QTMAN: variants seen among roughly 807,000 people sequenced by gnomAD.
The protein encoded by QTMAN is queuosine-tRNA mannosyltransferase.
At chr2:144,123,248 C>T in the QTMAN span, among the ~76,000 whole-genome samples, 30 of 152,212 alleles carry the variant, frequency 2.0e-4, no homozygotes, top group African/African-American at 7.0e-4. Context: ...CATATTATCA[C>T]ATATTGTTCT....
the QTMAN span, among the ~76,000 whole-genome samples, chr2:144,323,852 T>G: frequency 6.6e-6 from 1 of 152,228 alleles, no homozygotes; most frequent in East Asian, 1.9e-4. Context: ...ATTAGTTAGC[T>G]GTATACTTAT....
At chr2:144,017,722 C>T in the QTMAN span, among the ~76,000 whole-genome samples, 2 of 152,094 alleles carry the variant, frequency 1.3e-5, no homozygotes, top group Non-Finnish European at 1.5e-5. Flanking sequence ...TTATTACTGG[C>T]CATTATTTTT....
At chr2:144,088,964 GACTT>G in the QTMAN span, among the ~76,000 whole-genome samples, 2 of 151,560 alleles carry the variant, frequency 1.3e-5, no homozygotes, top group African/African-American at 4.8e-5. Context: ...ACAAAAATAG[GACTT>G]ACTTAAACTA....
At chr2:144,071,054 G>A in the QTMAN span, among the ~76,000 whole-genome samples, 7 of 152,156 alleles carry the variant, frequency 4.6e-5, no homozygotes, top group Non-Finnish European at 1.0e-4. Context: ...TTGTGAAAGT[G>A]CTTAGCTTAA....
At chr2:144,163,125 C>A in the QTMAN span, among the ~76,000 whole-genome samples, 1 of 151,738 alleles carries the variant, frequency 6.6e-6, no homozygotes, top group East Asian at 1.9e-4. Flanking sequence ...TTTAAAACTT[C>A]CTAAAGTACA....
At chr2:144,192,463 G>A in the QTMAN span, among the ~76,000 whole-genome samples, 2 of 152,048 alleles carry the variant, frequency 1.3e-5, no homozygotes, top group Admixed American at 6.6e-5. Context: ...CAAAAAAGTA[G>A]GGAGGTCCAA....
At chr2:144,075,951 T>C in the QTMAN span, among the ~76,000 whole-genome samples, 28 of 152,350 alleles carry the variant, frequency 1.8e-4, no homozygotes, top group South Asian at 1.2e-3. Context: ...CACTGTTCAA[T>C]TGAATGTCTT....
chr2:144,097,702 C>T, the QTMAN span, among the ~76,000 whole-genome samples: 1 of 152,258 alleles, frequency 6.6e-6, no homozygotes, highest in South Asian at 2.1e-4. Context: ...CCCCACTGCC[C>T]CCAGCTTTAA....
the QTMAN span, among the ~76,000 whole-genome samples, chr2:144,156,700 A>G: frequency 4.0e-3 from 611 of 152,246 alleles, 5 homozygotes; most frequent in African/African-American, 0.014. Flanking sequence ...TCAAAAAACA[A>G]ACAAAAAAAA....
At chr2:144,142,306 G>A in the QTMAN span, among the ~76,000 whole-genome samples, 12 of 151,834 alleles carry the variant, frequency 7.9e-5, no homozygotes, top group African/African-American at 2.9e-4. Flanking sequence ...GATTTAATGG[G>A]ATCGCATGAG....
chr2:144,036,549 C>G, the QTMAN span, among the ~76,000 whole-genome samples: 1 of 152,014 alleles, frequency 6.6e-6, no homozygotes, highest in Non-Finnish European at 1.5e-5. Context: ...TCCTTACTAT[C>G]TGTGTGTCTG....
the QTMAN span, among the ~76,000 whole-genome samples, chr2:144,275,228 C>CA: frequency 6.6e-6 from 1 of 151,630 alleles, no homozygotes; most frequent in Non-Finnish European, 1.5e-5. Context: ...ACTAAAAATA[C>CA]AAAAAATTAG....
At chr2:144,222,279 T>G in the QTMAN span, among the ~76,000 whole-genome samples, 1 of 151,534 alleles carries the variant, frequency 6.6e-6, no homozygotes. Context: ...CAGGATGGTC[T>G]CGATCTCCTG....
chr2:144,315,762 A>G, the QTMAN span, among the ~76,000 whole-genome samples: 2 of 152,134 alleles, frequency 1.3e-5, no homozygotes, highest in African/African-American at 4.8e-5. Context: ...GTATTTTCAA[A>G]CAATTAGAAA....
chr2:144,181,133 CTTAT>C, the QTMAN span, among the ~76,000 whole-genome samples: 3 of 152,152 alleles, frequency 2.0e-5, no homozygotes, highest in African/African-American at 7.2e-5. Flanking sequence ...GCTTCTGTTT[CTTAT>C]TTAGTCACAA....
the QTMAN span, among the ~76,000 whole-genome samples, chr2:144,263,673 A>AGATT: frequency 2.6e-5 from 4 of 152,202 alleles, no homozygotes; most frequent in African/African-American, 9.7e-5. Flanking sequence ...CAGTGAGCCG[A>AGATT]GATTGTGCCA....
the QTMAN span, among the ~76,000 whole-genome samples, chr2:144,293,345 T>G: frequency 6.6e-6 from 1 of 152,248 alleles, no homozygotes; most frequent in Non-Finnish European, 1.5e-5. Context: ...AAATAGTACC[T>G]GCTTCCTTGA....
the QTMAN span, among the ~76,000 whole-genome samples, chr2:144,213,702 C>CA: frequency 6.6e-6 from 1 of 152,054 alleles, no homozygotes; most frequent in Non-Finnish European, 1.5e-5. Flanking sequence ...CTTAAAACTT[C>CA]AATCAATTGT....
chr2:144,093,237 C>CA, the QTMAN span, among the ~76,000 whole-genome samples: 3 of 152,260 alleles, frequency 2.0e-5, no homozygotes, highest in East Asian at 5.8e-4. Context: ...ATAATGCATA[C>CA]AATCAAGAGC....
Sources: allele counts gnomAD v4.1 joint callset (sites outside exome capture counted in the v4.1 genomes callset), GRCh38; gene constraint gnomAD v4.1.1; transcripts MANE v1.5; gene names NCBI Gene and HGNC (gene_info 2026-07-23, HGNC 2026-07-21).